TEK: variants seen among roughly 807,000 people sequenced by gnomAD.
The protein encoded by TEK is TEK receptor tyrosine kinase.
Under a neutral mutation model 131.8 loss-of-function variants are expected in TEK, and 43 were observed. The ratio of observed to expected loss-of-function variants is 0.33; its 90% confidence interval spans 0.26 to 0.42. TEK has a LOEUF of 0.42. Ranked by LOEUF, TEK falls within the 10% of genes least tolerant of loss-of-function variation. TEK has a pLI of 1.00. For missense variants in TEK, 1,162 were observed against 1,384.4 expected, an observed-to-expected ratio of 0.84 and a Z score of 2.55; for synonymous variants, 580 against 491.6, an observed-to-expected ratio of 1.18 and a Z score of -2.38.
At chr9:27,124,382 G>A (rs1003323850) in intron 1 of TEK, among the ~76,000 whole-genome samples, 6 of 152,198 alleles carry the variant, frequency 3.9e-5, no homozygotes, top group Non-Finnish European at 7.3e-5. Context: ...ATGACTCTGC[G>A]CACATATCAT....
intron 1 of TEK, among the ~76,000 whole-genome samples, chr9:27,127,725 AC>A (rs1397183013): frequency 6.6e-6 from 1 of 152,204 alleles, no homozygotes; most frequent in Non-Finnish European, 1.5e-5. Flanking sequence ...TTCTCTAATG[AC>A]CAGTGATGAT....
intron 1 of TEK, among the ~76,000 whole-genome samples, chr9:27,118,435 G>C (rs1384398881): frequency 2.6e-5 from 4 of 152,062 alleles, no homozygotes; most frequent in African/African-American, 9.7e-5. Context: ...AGGAGTTCGA[G>C]ACCATCCTGG....
Position 27,173,281 on chromosome 9 carries a change from T to C in TEK, c.820T>C (p.Cys274Arg). The change falls in exon 6 of 23, where the codon TGC (cysteine) becomes CGC (arginine). Residue 274 changes from cysteine (C) to arginine (R), a missense_variant. By Grantham distance (180) the Cys-to-Arg change is radical. Coordinates refer to ENST00000380036, the MANE Select transcript of TEK (RefSeq NM_000459.5). ...AGAAAGGTGCAGTGGACAAGAGGGATGCAAGTCTTATGTGTTCTGTCTCCC... is the reference window on the plus strand; with the variant it reads ...AGAAAGGTGCAGTGGACAAGAGGGACGCAAGTCTTATGTGTTCTGTCTCCC... The part of the protein sequence containing the change: ...CKERCSGQEG[C>R]KSYVFCLPDP... 6.2e-7 allele frequency: 1 copy of C among 1,614,128 alleles called. No individual in the cohort carries two copies. The highest frequency in any genetic ancestry group is 8.5e-7 in the Non-Finnish European group (1 of 1,179,956).
At chr9:27,157,295 C>T (rs1370430916) in intron 1 of TEK, among the ~76,000 whole-genome samples, 2 of 151,902 alleles carry the variant, frequency 1.3e-5, no homozygotes, top group African/African-American at 2.4e-5. Flanking sequence ...TAAATGAGGC[C>T]CTGAGGGAAA....
chr9:27,172,872 C>T lies in TEK; in HGVS notation c.760+125C>T, dbSNP rs143096373. On this transcript the variant is annotated intron_variant, in intron 5 of 22. Coordinates refer to ENST00000380036, the MANE Select transcript of TEK (RefSeq NM_000459.5). ...TGGCCTCTGTTAGGTCAGATGGTAC[C>T]TGTGTGTGAATTAGAAAAAGGTGCC... 974 of 1,328,040 alleles carry T rather than the reference C, an allele frequency of 7.3e-4. 5 individuals are homozygous for T. The African/African-American group carries it at 0.013, about 18-fold the overall frequency. 82.3% of individuals were successfully genotyped at this position (1,328,040 alleles called of 1,614,324 possible). A position where few individuals can be genotyped will look rare whatever the true frequency, so the allele number is the denominator to read the frequency against.
At chr9:27,194,116 T>C (rs1412837500) in intron 11 of TEK, among the ~76,000 whole-genome samples, 1 of 152,196 alleles carries the variant, frequency 6.6e-6, no homozygotes, top group African/African-American at 2.4e-5. Flanking sequence ...CCAGGCTCCA[T>C]ATCCTTTTGT....
At chr9:27,169,743 T>C in intron 4 of TEK, 114 bp downstream of exon 4, 1 of 1,430,338 alleles carries the variant, frequency 7.0e-7, no homozygotes, top group Non-Finnish European at 9.7e-7. Flanking sequence ...CAGGCATTGG[T>C]TGGAGGTTGT....
chr9:27,214,555 C>G (rs1201317390), intron 18 of TEK, among the ~76,000 whole-genome samples: 1 of 152,154 alleles, frequency 6.6e-6, no homozygotes, highest in Non-Finnish European at 1.5e-5. Flanking sequence ...TTTTTCCCAT[C>G]ATACTTATTT....
chr9:27,223,005 A>C (rs916652060), intron 21 of TEK, among the ~76,000 whole-genome samples: 2 of 152,074 alleles, frequency 1.3e-5, no homozygotes, highest in African/African-American at 4.8e-5. Context: ...TAAACCAACA[A>C]AGATCAAAGG....
intron 1 of TEK, among the ~76,000 whole-genome samples, chr9:27,115,673 A>G (rs1462138968): frequency 1.3e-5 from 2 of 152,258 alleles, no homozygotes; most frequent in Non-Finnish European, 2.9e-5. Context: ...GCCAAAAGTC[A>G]GGTCCAGTTA....
At chr9:27,129,094 A>G (rs555945224) in intron 1 of TEK, among the ~76,000 whole-genome samples, 9 of 152,282 alleles carry the variant, frequency 5.9e-5, no homozygotes, top group East Asian at 1.9e-4. Flanking sequence ...CCCCTTCATT[A>G]TGACATTGGC....
At chr9:27,219,659 G>A (rs1825973401) in intron 20 of TEK, among the ~76,000 whole-genome samples, 1 of 52,010 alleles carries the variant, frequency 1.9e-5, no homozygotes, top group African/African-American at 5.6e-5. Flanking sequence ...CATGGCTTTT[G>A]TAATTAAAAA....
chr9:27,168,923 G>A (rs1025380961), intron 3 of TEK, among the ~76,000 whole-genome samples: 1 of 152,156 alleles, frequency 6.6e-6, no homozygotes, highest in Non-Finnish European at 1.5e-5. Flanking sequence ...TTGATTGCAA[G>A]GTTTAGGAAA....
At chr9:27,224,680 C>A (rs183144022) in intron 21 of TEK, among the ~76,000 whole-genome samples, 673 of 152,210 alleles carry the variant, frequency 4.4e-3, no homozygotes, top group African/African-American at 0.015. Context: ...GGAAGCATTC[C>A]CTTTGAAAAC....
At chr9:27,141,411 A>G (rs1021047746) in intron 1 of TEK, among the ~76,000 whole-genome samples, 6 of 152,102 alleles carry the variant, frequency 3.9e-5, no homozygotes, top group Admixed American at 6.6e-5. Flanking sequence ...TTGAACACTC[A>G]TGTGTCAATG....
intron 1 of TEK, among the ~76,000 whole-genome samples, chr9:27,134,326 T>G (rs1252528949): frequency 6.6e-6 from 1 of 152,184 alleles, no homozygotes; most frequent in Non-Finnish European, 1.5e-5. Context: ...ACTCAAGGAT[T>G]TGTAGGAGTT....
intron 22 of TEK, among the ~76,000 whole-genome samples, 198 bp from the exon 23 acceptor site, chr9:27,228,960 A>C (rs1826450085): frequency 6.6e-6 from 1 of 152,208 alleles, no homozygotes; most frequent in South Asian, 2.1e-4. Context: ...ATGAAATCTT[A>C]CTTGCAGAAC....
Position 27,197,327 on chromosome 9 carries a change from C to G in TEK, c.1637C>G (p.Pro546Arg). The G allele has an allele frequency of 6.2e-7, 1 of 1,614,008 alleles. No individual in the cohort carries two copies. The highest frequency in any genetic ancestry group is 8.5e-7 in the Non-Finnish European group (1 of 1,179,954). The change falls in exon 12 of 23, where the codon CCA becomes CGA. Residue 546 changes from proline (P) to arginine (R), a missense_variant. Pro to Arg is a moderately radical substitution (Grantham distance 103). Coordinates refer to ENST00000380036, the MANE Select transcript of TEK (RefSeq NM_000459.5). ...FTTASIGLPP[P>R]RGLNLLPKSQ... ...TGGATTCTCCTAGGACTCCCTCCTC[C>G]AAGAGGTCTAAATCTCCTGCCTAAA... is the stretch of plus-strand genomic sequence containing the variant.
chr9:27,138,182 T>G lies in TEK; in HGVS notation c.53-19649T>G, dbSNP rs370329887. On this transcript the variant is annotated intron_variant, in intron 1 of 22. Transcript: ENST00000380036. ...ACCCAAAGAGTGAGCAGCAGCAAGA[T>G]TTATTGTGAAGAGCAAAAGAACAAA... Among the ~76,000 whole-genome samples the G allele has an allele frequency of 5.3e-5, 8 of 152,306 alleles. No individual in the cohort carries two copies. The East Asian group carries it at 7.7e-4, about 15-fold the overall frequency.
Sources: allele counts gnomAD v4.1 joint callset (sites outside exome capture counted in the v4.1 genomes callset), GRCh38; gene constraint gnomAD v4.1.1; transcripts MANE v1.5; gene names NCBI Gene and HGNC (gene_info 2026-07-23, HGNC 2026-07-21).